COL2A1: variants seen among roughly 807,000 people sequenced by gnomAD.
COL2A1 encodes the protein collagen type II alpha 1 chain.
In COL2A1, 28 loss-of-function variants were observed where a neutral mutation model predicts 204.5. The observed-to-expected ratio is 0.14, with a 90% confidence interval of 0.10 to 0.19. The LOEUF (loss-of-function observed/expected upper bound fraction) is 0.19. Among genes scored for constraint, COL2A1 ranks in the 10% least tolerant of loss-of-function variants. The probability of loss-of-function intolerance (pLI) is 1.00; values close to 1 mark genes in which losing one functional copy is unlikely to be tolerated. For missense variants in COL2A1, 1,388 were observed against 2,027.5 expected, an observed-to-expected ratio of 0.68 and a Z score of 6.06; for synonymous variants, 708 against 718.7, an observed-to-expected ratio of 0.99 and a Z score of 0.24.
Position 47,976,035 on chromosome 12 carries a change from A to T in COL2A1, c.3525T>A (p.Asp1175Glu), listed in dbSNP as rs1049543609. 1.2e-6 allele frequency: 2 copies of T among 1,613,852 alleles called. No homozygotes were observed. Among genetic ancestry groups the T allele is most frequent in the Admixed American group, 1.7e-5 (1 of 59,998 alleles). Reference protein sequence around the residue: ...PPGPVGPSGKDGANGIPGPIG... With the variant: ...PPGPVGPSGKEGANGIPGPIG... ...TGGGGCCAGGGATTCCATTAGCACC[A>T]TCTTTGCCAGAGGGACCGACGGGGC... Residue 1175 changes from aspartate (D) to glutamate (E), a missense_variant, in exon 50 of 54, where the codon GAT becomes GAA. This residue lies in a region of COL2A1 where 884 missense variants were observed against 1,415.8 expected (regional missense o/e 0.62). Transcript: ENST00000380518. This position sits in a 1 kb window ranked among gnomAD's most constrained non-coding sequence, Gnocchi z 4.3.
chr12:47,979,887 C>G, intron 40 of COL2A1, 122 bp downstream of exon 40: 1 of 923,670 alleles, frequency 1.1e-6, no homozygotes, highest in Non-Finnish European at 1.6e-6. Flanking sequence ...TGGGCTTAGG[C>G]TGGGGACCAA....
chr12:47,984,630 C>T (rs756977388), intron 27 of COL2A1, 31 bp from the exon 28 acceptor site: 20 of 1,611,642 alleles, frequency 1.2e-5, no homozygotes, highest in Admixed American at 1.0e-4. Context: ...GGCCATGAGG[C>T]GGATGGTTTG....
chr12:47,989,297 G>A lies in COL2A1; in HGVS notation c.1069-16C>T, dbSNP rs760355253. 27 of 1,610,692 alleles carry A rather than the reference G, an allele frequency of 1.7e-5. No individual in the cohort carries two copies. Among genetic ancestry groups the A allele is most frequent in the East Asian group, 1.3e-4 (6 of 44,774 alleles). ...CGACAGGACCCTGGAGAGAGTAGGC[G>A]GATGAGAAGAGAGGTGAATGCCAGT... On this transcript the variant is annotated splice_polypyrimidine_tract_variant and intron_variant, in intron 17 of 53. Coordinates refer to ENST00000380518, the MANE Select transcript of COL2A1 (RefSeq NM_001844.5).
intron 15 of COL2A1, 132 bp from the exon 16 acceptor site, chr12:47,993,063 C>A (rs1393282492): frequency 1.6e-5 from 13 of 836,252 alleles, no homozygotes; most frequent in Non-Finnish European, 2.6e-5. Context: ...ACAAGGACCT[C>A]CTGATGGTGC....
At position 47,983,719 on chromosome 12, in the gene COL2A1, T is replaced by A; in HGVS notation, c.1959A>T (p.Arg653=). ...ATGGCCCAGGAGCACCCTGCTCGCC[T>A]CGTTCACCAGCAGGTCCCTGCAGTG... The part of the protein sequence containing the change: ...PPGPAGPAGE[R]GEQGAPGPSG... Residue 653 remains arginine (R), a synonymous_variant, in exon 30 of 54, where the codon CGA becomes CGT. Coordinates refer to ENST00000380518, the MANE Select transcript of COL2A1 (RefSeq NM_001844.5). The A allele has an allele frequency of 6.3e-7, 1 of 1,595,952 alleles. No homozygotes were observed.
chr12:47,982,291 G>T, intron 34 of COL2A1, 131 bp from the exon 35 acceptor site: 1 of 889,880 alleles, frequency 1.1e-6, no homozygotes, highest in Non-Finnish European at 1.9e-6. Flanking sequence ...TGGTCTCAGG[G>T]TGGGTGAGGA....
Position 48,000,133 on chromosome 12 carries a change from A to T in COL2A1, c.86-8T>A. 6.2e-7 allele frequency: 1 copy of T among 1,602,230 alleles called. No homozygotes were observed. The highest frequency in any genetic ancestry group is 8.5e-7 in the Non-Finnish European group (1 of 1,170,820). ...CACAGCTGCCAGCCTCCTCTGCACC[A>T]AGGGTGGGGAGGGAGAAGCAGAGAG... On this transcript the variant is annotated splice_polypyrimidine_tract_variant and splice_region_variant and intron_variant, in intron 1 of 53. Transcript: ENST00000380518.
intron 2 of COL2A1, 177 bp downstream of exon 2, chr12:47,999,742 C>T (rs1211203486): frequency 1.3e-5 from 8 of 607,096 alleles, no homozygotes; most frequent in African/African-American, 3.8e-5. Flanking sequence ...GTCTCAGGCT[C>T]GTTCACTCAG....
chr12:47,975,953 G>A lies in COL2A1; in HGVS notation c.3597+10C>T. ...CACCTCGACAGCAGGGAAGGAGTCA[G>A]GACACTTACAGCAGGGCCGGTTTCG... is the stretch of plus-strand genomic sequence containing the variant. On this transcript the variant is annotated intron_variant, in intron 50 of 53. Transcript: ENST00000380518. The A allele has an allele frequency of 1.9e-6, 3 of 1,604,026 alleles. No homozygotes were observed. The highest frequency in any genetic ancestry group is 1.7e-6 in the Non-Finnish European group (2 of 1,170,708).
rs12721425 is a variant in COL2A1, at chr12:47,974,345, G to C, written c.4075-14C>G. ...TCCATAGCTGAACTGTTGGGGCAGA[G>C]AGCGGCAGTGTGAGGCCTGGGAGCT... On this transcript the variant is annotated splice_polypyrimidine_tract_variant and intron_variant, in intron 52 of 53. Transcript: ENST00000380518. 0.068 allele frequency: 110,400 copies of C among 1,613,128 alleles called. 4,352 individuals carry two copies. Among genetic ancestry groups the C allele is most frequent in the Non-Finnish European group, 0.08 (94,473 of 1,179,712 alleles).
intron 50 of COL2A1, 68 bp downstream of exon 50, chr12:47,975,895 A>C (rs988788155): frequency 1.6e-5 from 20 of 1,252,766 alleles, no homozygotes; most frequent in Non-Finnish European, 2.0e-5. Context: ...GGCCCTGAGC[A>C]AAAAAGAGCT....
intron 46 of COL2A1, 39 bp downstream of exon 46, chr12:47,977,281 G>T (rs761162449): frequency 3.8e-6 from 6 of 1,581,218 alleles, no homozygotes; most frequent in Non-Finnish European, 5.2e-6. Context: ...GCCCCACCGC[G>T]CAGGGGAAGG....
rs142381765 is a variant in COL2A1 at position 47,995,332 on chromosome 12, A to C, written c.709-24T>G. ...CCCTACAAACAAAGGAAGATAGTTT[A>C]AGAGATGGTTATAGTGGGAAGACAC... On this transcript the variant is annotated intron_variant, in intron 10 of 53. Transcript: ENST00000380518. 1.5e-4 allele frequency: 235 copies of C among 1,603,542 alleles called. 2 individuals carry two copies. In the African/African-American group the frequency reaches 2.6e-3, roughly 18 times the overall value.
rs1356648547 is a variant in COL2A1, at chr12:47,984,093, G to A, written c.1935C>T (p.Gly645=). ...DGETGAAGPP[G]PAGPAGERGE... ...AGGCTGGGCAGGTACTTACAGCAGG[G>A]CCAGGGGGTCCTGCAGCACCTGTCT... The change falls in exon 29 of 54, where the codon GGC becomes GGT. Residue 645 remains glycine (G), a synonymous_variant. Transcript: ENST00000380518. The A allele has an allele frequency of 6.2e-7, 1 of 1,612,816 alleles. No homozygotes were observed. The highest frequency in any genetic ancestry group is 8.5e-7 in the Non-Finnish European group (1 of 1,179,530).
rs796246039 is a variant in COL2A1, at chr12:47,980,348, T to C, written c.2625+206A>G. ...CCTCCCCAGGAGATCAGCAGCTTGG[T>C]TCTGGCTGGCTGTGGCCAGCCTGTA... On this transcript the variant is annotated intron_variant, in intron 39 of 53. Coordinates refer to ENST00000380518, the MANE Select transcript of COL2A1 (RefSeq NM_001844.5). The surrounding 1 kb of genome is among the most constrained non-coding windows in gnomAD (Gnocchi z 4.5). Among the ~76,000 whole-genome samples, 13 of 152,208 alleles carry C rather than the reference T, an allele frequency of 8.5e-5. No individual in the cohort carries two copies. The highest frequency in any genetic ancestry group is 2.9e-4 in the African/African-American group (12 of 41,546).
Position 48,004,373 on chromosome 12 carries a change from G to T in COL2A1, c.-52C>A, listed in dbSNP as rs1451826940. ...GGGCCCGGGCGGAGCGCAGCGAAACGGCAGGAGCACGGCGCGGGTCCGGGT... is the reference window on the plus strand; with the variant it reads ...GGGCCCGGGCGGAGCGCAGCGAAACTGCAGGAGCACGGCGCGGGTCCGGGT... On this transcript the variant is annotated 5_prime_UTR_variant, in exon 1 of 54. Coordinates refer to ENST00000380518, the MANE Select transcript of COL2A1 (RefSeq NM_001844.5). 5 of 1,169,986 alleles carry T rather than the reference G, an allele frequency of 4.3e-6. No individual in the cohort carries two copies. The East Asian group carries it at 7.7e-5, about 18-fold the overall frequency. 72.5% of individuals were successfully genotyped at this position (1,169,986 alleles called of 1,614,324 possible).
At position 47,993,882 on chromosome 12, in the gene COL2A1, G is replaced by A. The variant is rs751048700; in HGVS notation, c.871-20C>T. ...ATAACCCTAGGGAACAAGAGAAAAT[G>A]TTCAATCAGACTTCTGGGAAACCCA... On this transcript the variant is annotated intron_variant, in intron 13 of 53. Transcript: ENST00000380518. 6.2e-7 allele frequency: 1 copy of A among 1,614,046 alleles called. No individual in the cohort carries two copies. The highest frequency in any genetic ancestry group is 2.2e-5 in the East Asian group (1 of 44,896).
chr12:47,996,005 G>T, intron 8 of COL2A1, 86 bp from the exon 9 acceptor site: 2 of 1,111,248 alleles, frequency 1.8e-6, no homozygotes, highest in Non-Finnish European at 2.8e-6. Context: ...CCAACAGCCC[G>T]GGCAAAGGAC....
At position 47,987,493 on chromosome 12, in the gene COL2A1, T is replaced by C. The variant is rs1200402759; in HGVS notation, c.1221+118A>G. On this transcript the variant is annotated intron_variant, in intron 19 of 53. Coordinates refer to ENST00000380518, the MANE Select transcript of COL2A1 (RefSeq NM_001844.5). The surrounding 1 kb of genome is among the most constrained non-coding windows in gnomAD (Gnocchi z 4.1). ...TACATCTAGAGGTGGGGACAGGCAT[T>C]GGGCCAGAATGAAGGTTTGGTGGTT... 5 of 1,080,016 alleles carry C rather than the reference T, an allele frequency of 4.6e-6. No homozygotes were observed. Among genetic ancestry groups the C allele is most frequent in the Admixed American group, 2.0e-5 (1 of 50,498 alleles). 66.9% of individuals were successfully genotyped at this position (1,080,016 alleles called of 1,614,324 possible). A position where few individuals can be genotyped will look rare whatever the true frequency, so the allele number is the denominator to read the frequency against.
Sources: gnomAD v4.1 joint callset for allele counts (sites outside exome capture counted in the v4.1 genomes callset) on GRCh38, gnomAD v4.1.1 for gene constraint, gnomAD v4.1.1 regional missense constraint, Gnocchi (gnomAD v3.1) non-coding constraint, MANE v1.5 for transcripts, NCBI Gene and HGNC (gene_info 2026-07-23, HGNC 2026-07-21) for gene names.